NDRG2: variants seen among roughly 807,000 people sequenced by gnomAD.
NDRG2 encodes the protein protein NDRG2.
A neutral mutation model predicts 58.2 loss-of-function variants in NDRG2; 34 were observed. The ratio of observed to expected loss-of-function variants is 0.58; its 90% CI spans 0.44 to 0.78. NDRG2 has a LOEUF of 0.78. Among genes scored for constraint, NDRG2 ranks in the 30% least tolerant of loss-of-function variants. The pLI is 0.00. For missense variants in NDRG2, 434 were observed against 471.2 expected, an observed-to-expected ratio of 0.92 and a Z score of 0.73; for synonymous variants, 187 against 175.9, an observed-to-expected ratio of 1.06 and a Z score of -0.50.
At chr14:21,025,301 C>T, upstream of NDRG2, 1 of 954,130 alleles carries the variant, frequency 1.0e-6, no homozygotes, top group Non-Finnish European at 1.2e-6. This position sits in a 1 kb window ranked among gnomAD's most constrained non-coding sequence, Gnocchi z 5.1. Context: ...TTCCACCACC[C>T]CCTCCCCGCA....
At chr14:21,041,738 G>A (rs1884905191) in intron 1 of NDRG2, among the ~76,000 whole-genome samples, 1 of 152,210 alleles carries the variant, frequency 6.6e-6, no homozygotes, top group Admixed American at 6.5e-5. Context: ...AGAGGTGTTG[G>A]CTGCCTTCTC....
At chr14:21,043,537 A>G (rs985927595) in intron 1 of NDRG2, 29 of 1,006,644 alleles carry the variant, frequency 2.9e-5, no homozygotes, top group Non-Finnish European at 3.7e-5. Context: ...CCCTACACCC[A>G]GAGCATTCTC....
rs1886572921 is a variant in NDRG2 at position 21,070,157 on chromosome 14, C to G, written c.24+671G>C. On this transcript the variant is annotated intron_variant, in intron 1 of 14. Coordinates refer to the NDRG2 transcript ENST00000403829. This position sits in a 1 kb window ranked among gnomAD's most constrained non-coding sequence, Gnocchi z 4.7. ...GATCTCGGCGCGGGAGACAGAGTCCCGGCAAGGGGTCCCGCGCGGAGGCGG... is the reference window on the plus strand; with the variant it reads ...GATCTCGGCGCGGGAGACAGAGTCCGGGCAAGGGGTCCCGCGCGGAGGCGG... 9.2e-6 allele frequency: 2 copies of G among 216,528 alleles called. No homozygotes were observed. Among genetic ancestry groups the G allele is most frequent in the Admixed American group, 6.0e-5 (1 of 16,606 alleles). The allele number at this position is 216,528 out of a possible 1,614,324, so 13.4% of individuals were successfully genotyped here.
At chr14:21,026,797 C>T (rs1883693502), upstream of NDRG2, among the ~76,000 whole-genome samples, 1 of 152,098 alleles carries the variant, frequency 6.6e-6, no homozygotes, top group African/African-American at 2.4e-5. Context: ...CACCCTGGCT[C>T]CTCTCCTAGT....
Position 21,018,023 on chromosome 14 carries a change from C to A in NDRG2, c.913G>T (p.Glu305Ter). 1 of 1,614,176 alleles carries A rather than the reference C, an allele frequency of 6.2e-7. No individual in the cohort carries two copies. The highest frequency in any genetic ancestry group is 8.5e-7 in the Non-Finnish European group (1 of 1,180,024). ...CCTTGCAGGAAGTACTTGAAGGCCT[C>A]GGTCAGCTTGCCTGGCTGCGGAAGT... is the stretch of plus-strand genomic sequence containing the variant. ...PQLTQPGKLT[E>*]AFKYFLQGMG... The change falls in exon 15 of 16, where the codon GAG (glutamate) becomes TAG (stop). Residue 305 changes from glutamate to a stop codon, truncating the protein, a stop_gained. Transcript: ENST00000556147. LOFTEE classifies it high-confidence loss of function.
chr14:21,049,730 G>C (rs552830975), intron 1 of NDRG2, among the ~76,000 whole-genome samples: 33 of 151,108 alleles, frequency 2.2e-4, no homozygotes, highest in African/African-American at 7.8e-4. Flanking sequence ...TTACAAAGTG[G>C]CATTCAATAT....
At chr14:21,061,685 G>A (rs1424314139) in intron 1 of NDRG2, among the ~76,000 whole-genome samples, 5 of 152,212 alleles carry the variant, frequency 3.3e-5, no homozygotes, top group African/African-American at 1.2e-4. Context: ...CTAACATCCA[G>A]AAAATTTAGA....
intron 8 of NDRG2, 33 bp downstream of exon 8, chr14:21,020,463 A>G: frequency 1.9e-6 from 3 of 1,585,922 alleles, no homozygotes; most frequent in South Asian, 1.1e-5. Context: ...GGGATCCCCA[A>G]CCGTAGGTCT....
upstream of NDRG2, chr14:21,025,237 G>A: frequency 1.2e-6 from 1 of 840,264 alleles, no homozygotes; most frequent in Non-Finnish European, 1.4e-6. This position sits in a 1 kb window ranked among gnomAD's most constrained non-coding sequence, Gnocchi z 5.1. Flanking sequence ...TGGGGCCGGG[G>A]GGCGAGGGGC....
At chr14:21,025,169 C>T (rs1883254033), upstream of NDRG2, 1 of 926,498 alleles carries the variant, frequency 1.1e-6, no homozygotes, top group Non-Finnish European at 1.3e-6. The surrounding 1 kb of genome is among the most constrained non-coding windows in gnomAD (Gnocchi z 5.1). Flanking sequence ...CCCAGACCCC[C>T]AGTAAACACG....
intron 1 of NDRG2, among the ~76,000 whole-genome samples, chr14:21,041,089 G>A (rs1453398804): frequency 2.0e-5 from 3 of 152,068 alleles, no homozygotes; most frequent in Non-Finnish European, 2.9e-5. Context: ...TATCTCTCAA[G>A]CTCAAGCAAT....
chr14:21,020,676 T>TAA, intron 7 of NDRG2, 94 bp from the exon 8 acceptor site: 1 of 1,575,018 alleles, frequency 6.3e-7, no homozygotes, highest in Non-Finnish European at 8.7e-7. Flanking sequence ...CCACAGGGCC[T>TAA]GACTCCCCAC....
At chr14:21,028,162 G>A (rs1476688805), upstream of NDRG2, among the ~76,000 whole-genome samples, 1 of 152,120 alleles carries the variant, frequency 6.6e-6, no homozygotes, top group African/African-American at 2.4e-5. Context: ...CAAGTAGCCT[G>A]TCAAGTGTAT....
Position 21,061,623 on chromosome 14 carries a change from GCTC to G in NDRG2, c.24+9202_24+9204del, listed in dbSNP as rs1232099808. ...TTTCCAAAAAATCACTTGAGAAGGGGCTCCTCAGCCATTTGGGAGGACATAAAT... is the reference window on the plus strand; with the variant it reads ...TTTCCAAAAAATCACTTGAGAAGGGGCTCAGCCATTTGGGAGGACATAAAT... On this transcript the variant is annotated intron_variant, in intron 1 of 14. Transcript: ENST00000403829. 6.6e-5 allele frequency among the ~76,000 whole-genome samples: 10 copies of G among 152,310 alleles called. No homozygotes were observed. The South Asian group carries it at 1.2e-3, about 19-fold the overall frequency.
upstream of NDRG2, chr14:21,030,553 C>T (rs762503372): frequency 5.3e-5 from 85 of 1,607,194 alleles, no homozygotes; most frequent in African/African-American, 4.5e-4. Context: ...GTGTCTCCCA[C>T]GACTGCCCTC....
At chr14:21,021,796 A>C (rs887637351) in intron 6 of NDRG2, 21 bp downstream of exon 6, 1 of 1,607,988 alleles carries the variant, frequency 6.2e-7, no homozygotes, top group Non-Finnish European at 8.5e-7. Context: ...TCTGGTTTGG[A>C]GGGGTTCCCA....
At chr14:21,027,666 T>C (rs1011645434), upstream of NDRG2, among the ~76,000 whole-genome samples, 11 of 152,260 alleles carry the variant, frequency 7.2e-5, no homozygotes, top group Non-Finnish European at 1.5e-4. Flanking sequence ...TACCTACACA[T>C]GCAAGGCATA....
intron 1 of NDRG2, chr14:21,032,410 A>G (rs1277187464): frequency 4.5e-6 from 2 of 445,026 alleles, no homozygotes; most frequent in Non-Finnish European, 8.9e-6. Context: ...GTGTTCACAC[A>G]TTACTGATAT....
At position 21,017,285 on chromosome 14, in the gene NDRG2, A is replaced by AC. The variant is rs1352724706; in HGVS notation, c.*310dup. The AC allele has an allele frequency of 2.3e-6, 1 of 426,268 alleles. No homozygotes were observed. The highest frequency in any genetic ancestry group is 4.4e-6 in the Non-Finnish European group (1 of 226,108). The allele number at this position is 426,268 out of a possible 1,614,324, so 26.4% of individuals were successfully genotyped here. ...ACCAGGACAACTACAACAACCTCTT[A>AC]CCCCTCAGCTATAGACACCTAGATC... On this transcript the variant is annotated 3_prime_UTR_variant, in exon 16 of 16. Transcript: ENST00000556147.
Sources: allele counts gnomAD v4.1 joint callset (sites outside exome capture counted in the v4.1 genomes callset), GRCh38; gene constraint gnomAD v4.1.1; non-coding constraint Gnocchi (gnomAD v3.1); transcripts MANE v1.5; gene names NCBI Gene and HGNC (gene_info 2026-07-23, HGNC 2026-07-21).